The following ZFPM2 variants were observed in gnomAD, a reference collection of about 807,000 sequenced individuals.
ZFPM2 encodes zinc finger protein, FOG family member 2.
In ZFPM2, 20 loss-of-function variants were observed where a neutral mutation model predicts 98.6. That is an observed-to-expected ratio of 0.20 (90% CI 0.14 to 0.29). The LOEUF (loss-of-function observed/expected upper bound fraction) is 0.29. ZFPM2 is among the 10% of genes least tolerant of loss of function. ZFPM2 has a pLI of 1.00. For missense variants in ZFPM2, 1,310 were observed against 1,388.6 expected, an observed-to-expected ratio of 0.94 and a Z score of 0.90; for synonymous variants, 518 against 502.7, an observed-to-expected ratio of 1.03 and a Z score of -0.41.
intron 7 of ZFPM2, 138 bp downstream of exon 7, chr8:105,799,086 C>CAGTGTGAT (rs1190032723): frequency 2.6e-6 from 2 of 763,864 alleles, no homozygotes; most frequent in Non-Finnish European, 4.1e-6. Flanking sequence ...CTGGGTCAAC[C>CAGTGTGAT]AGTGTGATCT....
rs1563571332 is a variant in ZFPM2 at position 105,798,705 on chromosome 8, C to CTTGTG, written c.740-16_740-12dup. 1 of 1,601,162 alleles carries CTTGTG rather than the reference C, an allele frequency of 6.2e-7. No homozygotes were observed. Among genetic ancestry groups the CTTGTG allele is most frequent in the Admixed American group, 1.7e-5 (1 of 58,272 alleles). ...CAAATGGACAGCAGCAAATGTGTCTCTTGTGTTTTTACCTGCAGAGGATAT... is the reference window on the plus strand; with the variant it reads ...CAAATGGACAGCAGCAAATGTGTCTCTTGTGTTGTGTTTTTACCTGCAGAGGATAT... On this transcript the variant is annotated intron_variant, in intron 6 of 7. Transcript: ENST00000407775.
intron 3 of ZFPM2, among the ~76,000 whole-genome samples, chr8:105,498,697 T>C (rs2130460967): frequency 6.6e-6 from 1 of 152,240 alleles, no homozygotes; most frequent in South Asian, 2.1e-4. Flanking sequence ...AAAGATTCGA[T>C]GCTATGAGAA....
At chr8:105,562,196 G>A (rs1172908217) in intron 4 of ZFPM2, among the ~76,000 whole-genome samples, 2 of 151,980 alleles carry the variant, frequency 1.3e-5, no homozygotes, top group Non-Finnish European at 2.9e-5. Flanking sequence ...TGTAGTCCCA[G>A]CTACTCGGGA....
intron 3 of ZFPM2, among the ~76,000 whole-genome samples, chr8:105,507,780 G>A (rs1813733466): frequency 6.6e-6 from 1 of 152,062 alleles, no homozygotes; most frequent in South Asian, 2.1e-4. Flanking sequence ...TGTACCCCTG[G>A]AGAGGAGAAA....
At chr8:105,661,268 A>G (rs1817383054) in intron 5 of ZFPM2, among the ~76,000 whole-genome samples, 1 of 152,232 alleles carries the variant, frequency 6.6e-6, no homozygotes, top group South Asian at 2.1e-4. Flanking sequence ...ATGAGGAAGC[A>G]AAATAGAAAG....
intron 1 of ZFPM2, among the ~76,000 whole-genome samples, chr8:105,355,077 GT>G (rs1812716177): frequency 6.7e-6 from 1 of 148,524 alleles, no homozygotes; most frequent in Admixed American, 6.8e-5. Context: ...AATTGACACT[GT>G]TTTTTAACAT....
chr8:105,532,010 C>T (rs956893887), intron 3 of ZFPM2, among the ~76,000 whole-genome samples: 1 of 152,108 alleles, frequency 6.6e-6, no homozygotes, highest in African/African-American at 2.4e-5. Context: ...AAGCTATCTT[C>T]TCACTTCAGC....
intron 3 of ZFPM2, among the ~76,000 whole-genome samples, chr8:105,497,831 T>C (rs1813506013): frequency 6.6e-6 from 1 of 152,028 alleles, no homozygotes; most frequent in African/African-American, 2.4e-5. Context: ...CTATTCCATA[T>C]TGGAATACTG....
chr8:105,605,724 G>A (rs1332359601), intron 4 of ZFPM2, among the ~76,000 whole-genome samples: 1 of 152,108 alleles, frequency 6.6e-6, no homozygotes, highest in Non-Finnish European at 1.5e-5. Context: ...GGGTAAGAAA[G>A]TTGTATTGAT....
At chr8:105,333,611 A>C (rs1812273669) in intron 1 of ZFPM2, among the ~76,000 whole-genome samples, 1 of 151,844 alleles carries the variant, frequency 6.6e-6, no homozygotes, top group East Asian at 1.9e-4. Flanking sequence ...CATATCCCAT[A>C]GAAACCCTCA....
At chr8:105,372,316 A>G (rs1178199318) in intron 1 of ZFPM2, among the ~76,000 whole-genome samples, 1 of 152,148 alleles carries the variant, frequency 6.6e-6, no homozygotes, top group Admixed American at 6.5e-5. Flanking sequence ...TGCTGGGATT[A>G]CAGGCGTGAG....
At chr8:105,395,515 G>C (rs1398738316) in intron 1 of ZFPM2, among the ~76,000 whole-genome samples, 1 of 152,106 alleles carries the variant, frequency 6.6e-6, no homozygotes, top group African/African-American at 2.4e-5. Flanking sequence ...TGGAACTCTA[G>C]AGGGAGTTTC....
intron 1 of ZFPM2, among the ~76,000 whole-genome samples, chr8:105,359,367 C>CTG (rs539072702): frequency 1.5e-5 from 2 of 135,358 alleles, no homozygotes; most frequent in Non-Finnish European, 3.1e-5. Flanking sequence ...CTTTTTCTTT[C>CTG]TTTTTTTTTT....
At chr8:105,719,488 A>G (rs1315845356) in intron 5 of ZFPM2, among the ~76,000 whole-genome samples, 1 of 151,944 alleles carries the variant, frequency 6.6e-6, no homozygotes, top group East Asian at 1.9e-4. Context: ...GAATTCGGAA[A>G]GACTTGGGTT....
intron 1 of ZFPM2, among the ~76,000 whole-genome samples, chr8:105,342,831 C>T (rs1364885337): frequency 1.3e-5 from 2 of 151,870 alleles, no homozygotes; most frequent in Non-Finnish European, 1.5e-5. Context: ...ATGAAAATAG[C>T]AACATATGAC....
At chr8:105,638,835 C>G (rs1816897399) in intron 5 of ZFPM2, among the ~76,000 whole-genome samples, 1 of 151,960 alleles carries the variant, frequency 6.6e-6, no homozygotes, top group Non-Finnish European at 1.5e-5. Context: ...TCACTTAGTG[C>G]TTTTTGACAG....
At chr8:105,641,840 T>C (rs546106411) in intron 5 of ZFPM2, among the ~76,000 whole-genome samples, 1 of 152,184 alleles carries the variant, frequency 6.6e-6, no homozygotes, top group South Asian at 2.1e-4. Context: ...TCCCACTAAT[T>C]ACCTTAGTTG....
intron 5 of ZFPM2, among the ~76,000 whole-genome samples, chr8:105,786,512 C>T (rs1216789587): frequency 4.6e-5 from 7 of 152,170 alleles, no homozygotes; most frequent in African/African-American, 1.4e-4. Flanking sequence ...TCCAACAGTA[C>T]ATTTTCAGTC....
intron 1 of ZFPM2, among the ~76,000 whole-genome samples, chr8:105,331,260 G>A (rs760968349): frequency 1.3e-5 from 2 of 150,912 alleles, no homozygotes; most frequent in African/African-American, 4.9e-5. Flanking sequence ...AAAGAATCAG[G>A]GAGCTGGCCA....
Sources: gnomAD v4.1 joint callset for allele counts (sites outside exome capture counted in the v4.1 genomes callset) on GRCh38, gnomAD v4.1.1 for gene constraint, MANE v1.5 for transcripts, NCBI Gene and HGNC (gene_info 2026-07-23, HGNC 2026-07-21) for gene names.